The following COL11A1 variants were observed in gnomAD, a reference collection of about 807,000 sequenced individuals.
COL11A1 encodes collagen type XI alpha 1 chain, also known as collagen alpha-1(XI) chain.
Under a neutral mutation model 265.2 loss-of-function variants are expected in COL11A1, and 74 were observed. That is an observed-to-expected ratio of 0.28 (90% CI 0.23 to 0.34). COL11A1 has a LOEUF of 0.34. COL11A1 is among the 10% of genes least tolerant of loss of function. COL11A1 has a pLI of 1.00. For missense variants in COL11A1, 2,165 were observed against 2,263.6 expected, an observed-to-expected ratio of 0.96 and a Z score of 0.88; for synonymous variants, 816 against 727.6, an observed-to-expected ratio of 1.12 and a Z score of -1.96.
intron 1 of COL11A1, among the ~76,000 whole-genome samples, chr1:103,084,429 T>A (rs1199864073): frequency 6.6e-6 from 1 of 152,086 alleles, no homozygotes; most frequent in Non-Finnish European, 1.5e-5. Flanking sequence ...CAATGTTCAC[T>A]GCAGCATTAT....
intron 54 of COL11A1, among the ~76,000 whole-genome samples, chr1:102,906,991 A>T (rs1472278484): frequency 3.3e-5 from 5 of 152,154 alleles, no homozygotes; most frequent in African/African-American, 7.2e-5. Flanking sequence ...ATCCAAACCT[A>T]ATATAGAAAA....
intron 48 of COL11A1, 129 bp downstream of exon 48, chr1:102,921,389 C>T (rs965770575): frequency 2.9e-6 from 2 of 685,644 alleles, no homozygotes; most frequent in Non-Finnish European, 5.0e-6. Flanking sequence ...AATAGGTGAC[C>T]CTTGAGTTCT....
intron 16 of COL11A1, 54 bp downstream of exon 16, chr1:103,006,208 A>AATAAATAAAT (rs372419329): frequency 4.7e-5 from 67 of 1,415,928 alleles, no homozygotes; most frequent in Non-Finnish European, 6.2e-5. Context: ...TAAATAAATA[A>AATAAATAAAT]AACTAATGAT....
chr1:103,091,610 T>C (rs903415410), intron 1 of COL11A1, among the ~76,000 whole-genome samples: 2 of 152,088 alleles, frequency 1.3e-5, no homozygotes, highest in African/African-American at 4.8e-5. Context: ...TGGGAAGTGT[T>C]CCACAATATT....
chr1:103,028,396 G>A (rs1557968062), intron 5 of COL11A1, among the ~76,000 whole-genome samples: 2 of 152,024 alleles, frequency 1.3e-5, no homozygotes, highest in Non-Finnish European at 2.9e-5. Context: ...AGCTTCCTCC[G>A]TGTGGTGGTC....
At chr1:102,918,600 CAAACA>C (rs549516017) in intron 49 of COL11A1, among the ~76,000 whole-genome samples, 4,906 of 151,342 alleles carry the variant, frequency 0.032, 109 homozygotes, top group Middle Eastern at 0.086. Context: ...AACAAACAAA[CAAACA>C]AAAAAATGAA....
chr1:102,896,564 G>A (rs528142724), intron 57 of COL11A1, among the ~76,000 whole-genome samples: 1 of 152,254 alleles, frequency 6.6e-6, no homozygotes, highest in South Asian at 2.1e-4. Context: ...CATAAAACAA[G>A]CAGTCAGAAT....
At chr1:103,060,517 T>C (rs1670590693) in intron 4 of COL11A1, among the ~76,000 whole-genome samples, 3 of 152,198 alleles carry the variant, frequency 2.0e-5, no homozygotes, top group African/African-American at 7.2e-5. Flanking sequence ...TTTCACTGCA[T>C]ATATGCTTAT....
At position 103,026,117 on chromosome 1, in the gene COL11A1, A is replaced by G. The variant is rs982070872; in HGVS notation, c.897+99T>C. 5 of 1,197,702 alleles carry G rather than the reference A, an allele frequency of 4.2e-6. No homozygotes were observed. In the African/African-American group the frequency reaches 7.5e-5, roughly 18 times the overall value. 74.2% of individuals were successfully genotyped at this position (1,197,702 alleles called of 1,614,324 possible). ...TTATTGGTTCAGAGAAATAAGATGA[A>G]TGAAAGGTTTATGGTAAGTTTGAGG... On this transcript the variant is annotated intron_variant, in intron 6 of 66. Coordinates refer to ENST00000370096, the MANE Select transcript of COL11A1 (RefSeq NM_001854.4).
intron 31 of COL11A1, among the ~76,000 whole-genome samples, chr1:102,982,622 T>C (rs895404826): frequency 2.0e-5 from 3 of 152,114 alleles, no homozygotes; most frequent in Non-Finnish European, 4.4e-5. Flanking sequence ...ATTATGCCTG[T>C]ATTATTTTTA....
At chr1:102,884,056 G>A (rs1650619429) in intron 63 of COL11A1, among the ~76,000 whole-genome samples, 1 of 152,124 alleles carries the variant, frequency 6.6e-6, no homozygotes, top group Non-Finnish European at 1.5e-5. Flanking sequence ...AAGTTACTAG[G>A]AGCCAAAAGT....
At chr1:102,969,937 C>CA (rs1433722644) in intron 37 of COL11A1, among the ~76,000 whole-genome samples, 2 of 151,858 alleles carry the variant, frequency 1.3e-5, no homozygotes, top group Non-Finnish European at 2.9e-5. Flanking sequence ...AGGAGATGTC[C>CA]AAAAAATAAT....
At chr1:103,053,364 A>G (rs1034117317) in intron 4 of COL11A1, among the ~76,000 whole-genome samples, 11 of 152,144 alleles carry the variant, frequency 7.2e-5, no homozygotes, top group Non-Finnish European at 1.6e-4. Flanking sequence ...TCACAATACA[A>G]TGGTGCTGAT....
At chr1:103,020,641 GT>G (rs1482384895) in intron 9 of COL11A1, among the ~76,000 whole-genome samples, 1 of 68,566 alleles carries the variant, frequency 1.5e-5, no homozygotes, top group African/African-American at 5.6e-5. Context: ...TGCTTTTGGT[GT>G]TTTAGACATG....
intron 24 of COL11A1, chr1:103,001,598 C>CT (rs781101859): frequency 3.0e-5 from 14 of 460,664 alleles, no homozygotes; most frequent in African/African-American, 1.8e-4. Flanking sequence ...AACTTAATTA[C>CT]TTTTTTGTAA....
intron 41 of COL11A1, among the ~76,000 whole-genome samples, chr1:102,955,428 T>C (rs983782895): frequency 6.6e-6 from 1 of 152,140 alleles, no homozygotes; most frequent in African/African-American, 2.4e-5. Flanking sequence ...CCGCACAATT[T>C]TGAAATATTG....
intron 49 of COL11A1, among the ~76,000 whole-genome samples, chr1:102,918,944 C>T (rs182505764): frequency 6.6e-6 from 1 of 152,050 alleles, no homozygotes; most frequent in Non-Finnish European, 1.5e-5. Flanking sequence ...CCGATAAAAG[C>T]TAATAATCCT....
chr1:102,977,174 T>A (rs1417991389), intron 35 of COL11A1, among the ~76,000 whole-genome samples: 1 of 152,162 alleles, frequency 6.6e-6, no homozygotes, highest in East Asian at 1.9e-4. Context: ...TTTATGGCAT[T>A]ACTTTTGCCA....
intron 11 of COL11A1, among the ~76,000 whole-genome samples, chr1:103,017,063 G>C (rs1198371661): frequency 6.6e-6 from 1 of 151,820 alleles, no homozygotes; most frequent in East Asian, 1.9e-4. Context: ...CCAAGAAACT[G>C]GACATATCAA....
Sources: gnomAD v4.1 joint callset for allele counts (sites outside exome capture counted in the v4.1 genomes callset) on GRCh38, gnomAD v4.1.1 for gene constraint, MANE v1.5 for transcripts, NCBI Gene and HGNC (gene_info 2026-07-23, HGNC 2026-07-21) for gene names.